CAMTA1: variants seen among roughly 807,000 people sequenced by gnomAD.
CAMTA1 encodes calmodulin-binding transcription activator 1.
In CAMTA1, 27 loss-of-function variants were observed where a neutral mutation model predicts 170.9. The ratio of observed to expected loss-of-function variants is 0.16; its 90% confidence interval spans 0.12 to 0.22. The LOEUF (loss-of-function observed/expected upper bound fraction) is 0.22, where lower values mean the gene tolerates loss of function less well. Ranked by LOEUF, CAMTA1 falls within the 10% of genes least tolerant of loss-of-function variation. CAMTA1 has a pLI of 1.00. For synonymous variants in CAMTA1, 833 were observed against 891.5 expected, an observed-to-expected ratio of 0.93 and a Z score of 1.17; for missense variants, 1,619 against 2,217.2, an observed-to-expected ratio of 0.73 and a Z score of 5.42.
rs1015704353 is a variant in CAMTA1, at chr1:7,420,097, C to A, written c.439-47733C>A. On this transcript the variant is annotated intron_variant, in intron 5 of 22. Transcript: ENST00000303635. ...GCTTACTGAGAGCAACTGCCCCAAC[C>A]CCAGTGGGGACCTCCACTCTGGGCC... 5.3e-5 allele frequency among the ~76,000 whole-genome samples: 8 copies of A among 152,308 alleles called. No individual in the cohort carries two copies. In the East Asian group the frequency reaches 1.5e-3, roughly 29 times the overall value.
At position 7,665,710 on chromosome 1, in the gene CAMTA1, G is replaced by A. The variant is rs2095995070; in HGVS notation, c.2652+511G>A. 6.6e-6 allele frequency among the ~76,000 whole-genome samples: 1 copy of A among 151,560 alleles called. No individual in the cohort carries two copies. Among genetic ancestry groups the A allele is most frequent in the Non-Finnish European group, 1.5e-5 (1 of 67,852 alleles). Reference sequence around the variant, plus strand: ...AGTCCGGATGACAGAGTGAAACCCTGTCTCAAAAAAAAAGAGAGAAAGTCA... The same window carrying A: ...AGTCCGGATGACAGAGTGAAACCCTATCTCAAAAAAAAAGAGAGAAAGTCA... On this transcript the variant is annotated intron_variant, in intron 9 of 22. Coordinates refer to ENST00000303635, the MANE Select transcript of CAMTA1 (RefSeq NM_015215.4). This position sits in a 1 kb window ranked among gnomAD's most constrained non-coding sequence, Gnocchi z 4.3.
chr1:7,047,113 G>T (rs1463321223), intron 3 of CAMTA1, among the ~76,000 whole-genome samples: 2 of 152,204 alleles, frequency 1.3e-5, no homozygotes, highest in Admixed American at 1.3e-4. Context: ...TTGTGCTGAG[G>T]TGGAGGCTCC....
intron 6 of CAMTA1, among the ~76,000 whole-genome samples, chr1:7,535,189 A>T (rs1203651363): frequency 1.3e-5 from 2 of 152,148 alleles, no homozygotes; most frequent in East Asian, 3.9e-4. Flanking sequence ...GAATGAACGA[A>T]TGACTCTGGT....
chr1:7,637,347 G>A (rs1322243628), intron 6 of CAMTA1, among the ~76,000 whole-genome samples: 2 of 152,206 alleles, frequency 1.3e-5, no homozygotes, highest in African/African-American at 2.4e-5. Context: ...AGCCCTGGGC[G>A]GCCTGCTGGC....
chr1:7,381,652 TCCTTTGGGTATATA>T (rs1408579723), intron 5 of CAMTA1, among the ~76,000 whole-genome samples: 2 of 151,212 alleles, frequency 1.3e-5, no homozygotes, highest in East Asian at 3.9e-4. Context: ...TGATTTATAG[TCCTTTGGGTATATA>T]CCCAGTAATG....
At position 7,395,003 on chromosome 1, in the gene CAMTA1, G is replaced by A. The variant is rs148777766; in HGVS notation, c.439-72827G>A. Reference sequence around the variant, plus strand: ...GTTCAAGCTATTCTTCTGCCTCAGCGTCCCAAGTAGCCAGGACTACAGGTG... The same window carrying A: ...GTTCAAGCTATTCTTCTGCCTCAGCATCCCAAGTAGCCAGGACTACAGGTG... On this transcript the variant is annotated intron_variant, in intron 5 of 22. Transcript: ENST00000303635. Among the ~76,000 whole-genome samples, 467 of 151,730 alleles carry A rather than the reference G, an allele frequency of 3.1e-3. 2 individuals carry two copies. Among genetic ancestry groups the A allele is most frequent in the Middle Eastern group, 0.01 (3 of 294 alleles).
rs1558086536 is a variant in CAMTA1, at chr1:7,093,874, TTTC to T, written c.302+2510_302+2512del. ...CTTAGCTCCTTTAAAAGCCCTGGTT[TTTC>T]TTCTTCATATAGAAAATGGAGTTGC... On this transcript the variant is annotated intron_variant, in intron 4 of 22. Transcript: ENST00000303635. This position sits in a 1 kb window ranked among gnomAD's most constrained non-coding sequence, Gnocchi z 4.6. 6.6e-6 allele frequency among the ~76,000 whole-genome samples: 1 copy of T among 152,208 alleles called. No homozygotes were observed. The highest frequency in any genetic ancestry group is 1.5e-5 in the Non-Finnish European group (1 of 68,036).
At chr1:7,352,339 A>T (rs1477616529) in intron 5 of CAMTA1, among the ~76,000 whole-genome samples, 1 of 152,208 alleles carries the variant, frequency 6.6e-6, no homozygotes, top group Non-Finnish European at 1.5e-5. Flanking sequence ...ACAAAAATGC[A>T]TCTGAGTGCA....
chr1:7,687,111 C>T (rs116090434), intron 11 of CAMTA1, among the ~76,000 whole-genome samples: 1,594 of 151,826 alleles, frequency 0.01, 26 homozygotes, highest in African/African-American at 0.036. Context: ...GTGCAGATGG[C>T]GTTTAGCGCC....
intron 3 of CAMTA1, among the ~76,000 whole-genome samples, chr1:7,025,859 G>C (rs1318577734): frequency 6.6e-6 from 1 of 152,198 alleles, no homozygotes; most frequent in Admixed American, 6.5e-5. Context: ...GCTCATGCCT[G>C]TAATCTCAAC....
chr1:7,742,316 A>G, intron 16 of CAMTA1, among the ~76,000 whole-genome samples: 1 of 152,126 alleles, frequency 6.6e-6, no homozygotes, highest in East Asian at 1.9e-4. Context: ...TATGAAAAGC[A>G]TATGAACAAG....
chr1:7,736,313 T>C lies in CAMTA1; in HGVS notation c.3067-31T>C. ...TGATGGGGTCGAGGGCCTTTAGTCC[T>C]GAGGTCGTAACGTGCGCTTTTTTGT... On this transcript the variant is annotated intron_variant, in intron 12 of 22. Coordinates refer to ENST00000303635, the MANE Select transcript of CAMTA1 (RefSeq NM_015215.4). This position sits in a 1 kb window ranked among gnomAD's most constrained non-coding sequence, Gnocchi z 4.5. 1 of 1,602,718 alleles carries C rather than the reference T, an allele frequency of 6.2e-7. No homozygotes were observed.
At chr1:7,489,571 GC>G (rs1414390561) in intron 6 of CAMTA1, among the ~76,000 whole-genome samples, 1 of 152,228 alleles carries the variant, frequency 6.6e-6, no homozygotes, top group Non-Finnish European at 1.5e-5. Flanking sequence ...GGGTGATCCA[GC>G]CCTTAGGAAG....
chr1:7,247,829 C>G (rs1013806517), intron 4 of CAMTA1, among the ~76,000 whole-genome samples: 9 of 152,122 alleles, frequency 5.9e-5, no homozygotes, highest in African/African-American at 2.2e-4. Context: ...TGCAAGCCTA[C>G]CTGCCATTTA....
chr1:7,051,438 C>T (rs1477706600), intron 3 of CAMTA1, among the ~76,000 whole-genome samples: 4 of 152,292 alleles, frequency 2.6e-5, no homozygotes, highest in South Asian at 4.1e-4. Flanking sequence ...CCTGGAGCTG[C>T]GTGGGGTGGG....
intron 3 of CAMTA1, among the ~76,000 whole-genome samples, chr1:6,910,085 A>G (rs1338574662): frequency 6.6e-6 from 1 of 152,194 alleles, no homozygotes; most frequent in Non-Finnish European, 1.5e-5. Context: ...CTTTATCTAT[A>G]TATTGACTAG....
intron 5 of CAMTA1, among the ~76,000 whole-genome samples, chr1:7,296,181 G>A (rs1317129018): frequency 6.6e-6 from 1 of 152,198 alleles, no homozygotes; most frequent in Non-Finnish European, 1.5e-5. Flanking sequence ...CAGAGAGAGT[G>A]AACACGCCAG....
chr1:6,823,081 A>G (rs1322996482), intron 2 of CAMTA1, among the ~76,000 whole-genome samples: 1 of 152,140 alleles, frequency 6.6e-6, no homozygotes, highest in African/African-American at 2.4e-5. Flanking sequence ...GTACCTGTAA[A>G]TGTTGAATAT....
chr1:7,468,815 T>G (rs1384071307), intron 6 of CAMTA1, among the ~76,000 whole-genome samples: 1 of 152,178 alleles, frequency 6.6e-6, no homozygotes, highest in Non-Finnish European at 1.5e-5. Context: ...TAGGGATCTC[T>G]CTGACCTGGC....
Sources: allele counts gnomAD v4.1 joint callset (sites outside exome capture counted in the v4.1 genomes callset), GRCh38; gene constraint gnomAD v4.1.1; non-coding constraint Gnocchi (gnomAD v3.1); transcripts MANE v1.5; gene names NCBI Gene and HGNC (gene_info 2026-07-23, HGNC 2026-07-21).